The following AKR1C8 variants were observed in gnomAD, a reference collection of about 807,000 sequenced individuals.
AKR1C8 encodes the protein aldo-keto reductase family 1 member C8.
chr10:5,161,829 G>T, the AKR1C8 span: 1 of 534,626 alleles, frequency 1.9e-6, no homozygotes, highest in Non-Finnish European at 3.8e-6. Flanking sequence ...ACAGTCTTGG[G>T]CATAACAAGG....
chr10:5,156,818 T>C, the AKR1C8 span, among the ~76,000 whole-genome samples: 1 of 152,198 alleles, frequency 6.6e-6, no homozygotes, highest in South Asian at 2.1e-4. Flanking sequence ...AAATACATTA[T>C]ATATGACTCA....
At chr10:5,122,064 G>A in the AKR1C8 span, 1 of 195,550 alleles carries the variant, frequency 5.1e-6, no homozygotes, top group African/African-American at 1.8e-4. Context: ...AATGGTCTGT[G>A]AAAGAATCTG....
At chr10:5,137,580 G>A in the AKR1C8 span, among the ~76,000 whole-genome samples, 2 of 152,004 alleles carry the variant, frequency 1.3e-5, no homozygotes, top group South Asian at 2.1e-4. Flanking sequence ...CAATAAACTA[G>A]GTAATAAGAG....
At chr10:5,154,462 A>T in the AKR1C8 span, 1 of 272,562 alleles carries the variant, frequency 3.7e-6, no homozygotes, top group Non-Finnish European at 7.3e-6. Context: ...TCTTTTTTAC[A>T]ATTTGTTCTT....
the AKR1C8 span, among the ~76,000 whole-genome samples, chr10:5,175,124 C>G: frequency 7.2e-6 from 1 of 138,292 alleles, no homozygotes; most frequent in East Asian, 2.3e-4. Flanking sequence ...CCCCCTCCCC[C>G]CTCCCCCAAC....
At chr10:5,120,682 C>T in the AKR1C8 span, among the ~76,000 whole-genome samples, 1 of 152,078 alleles carries the variant, frequency 6.6e-6, no homozygotes. Context: ...AAGTCACTTC[C>T]CACATTTTTG....
the AKR1C8 span, chr10:5,132,624 T>C: frequency 1.9e-6 from 3 of 1,586,012 alleles, no homozygotes; most frequent in Non-Finnish European, 2.6e-6. Flanking sequence ...GAATATGTCT[T>C]CTCTCTTCAC....
the AKR1C8 span, among the ~76,000 whole-genome samples, chr10:5,163,889 C>T: frequency 2.0e-5 from 3 of 152,114 alleles, no homozygotes; most frequent in South Asian, 6.2e-4. Context: ...CTAAGACATA[C>T]CCATAACTAC....
At chr10:5,175,734 G>C in the AKR1C8 span, among the ~76,000 whole-genome samples, 22 of 152,158 alleles carry the variant, frequency 1.4e-4, no homozygotes, top group Non-Finnish European at 2.9e-4. Flanking sequence ...CAGTGATGGT[G>C]AGCATTTTTT....
the AKR1C8 span, among the ~76,000 whole-genome samples, chr10:5,148,198 G>T: frequency 1.3e-5 from 2 of 152,092 alleles, no homozygotes; most frequent in African/African-American, 4.8e-5. Context: ...CCAGGAGAAT[G>T]CTCAGTAGTA....
At chr10:5,116,471 A>T in the AKR1C8 span, among the ~76,000 whole-genome samples, 8 of 152,116 alleles carry the variant, frequency 5.3e-5, no homozygotes, top group Non-Finnish European at 8.8e-5. Flanking sequence ...TGGACCGTGA[A>T]TCCTGGCTAT....
chr10:5,135,517 A>G, the AKR1C8 span, among the ~76,000 whole-genome samples: 2 of 146,862 alleles, frequency 1.4e-5, no homozygotes, highest in Non-Finnish European at 2.9e-5. Flanking sequence ...GAATCTATCT[A>G]TCTATCTATC....
the AKR1C8 span, among the ~76,000 whole-genome samples, chr10:5,133,720 C>A: frequency 5.3e-5 from 8 of 152,178 alleles, 1 homozygote; most frequent in South Asian, 1.7e-3. Context: ...TAGACAGCAC[C>A]CTTATTAGTT....
the AKR1C8 span, among the ~76,000 whole-genome samples, chr10:5,176,492 T>C: frequency 6.6e-6 from 1 of 150,642 alleles, no homozygotes; most frequent in East Asian, 1.9e-4. Flanking sequence ...AACTTTAAAG[T>C]AGTTTTTTCC....
the AKR1C8 span, among the ~76,000 whole-genome samples, chr10:5,183,581 A>T: frequency 5.3e-5 from 8 of 152,264 alleles, no homozygotes; most frequent in Non-Finnish European, 1.0e-4. Context: ...CCCAGGAAGA[A>T]CTCTAACTAC....
chr10:5,144,070 T>A, the AKR1C8 span, among the ~76,000 whole-genome samples: 7 of 151,872 alleles, frequency 4.6e-5, no homozygotes, highest in Non-Finnish European at 1.0e-4. Flanking sequence ...GGAAAATTAT[T>A]CAGTTTCAGC....
At chr10:5,150,974 C>T in the AKR1C8 span, among the ~76,000 whole-genome samples, 1 of 152,114 alleles carries the variant, frequency 6.6e-6, no homozygotes, top group Non-Finnish European at 1.5e-5. Flanking sequence ...TCCCTGAAGA[C>T]TCAGGGGTTG....
At chr10:5,184,149 G>A in the AKR1C8 span, among the ~76,000 whole-genome samples, 11 of 152,130 alleles carry the variant, frequency 7.2e-5, no homozygotes, top group African/African-American at 2.7e-4. Context: ...AAGGTCCCAG[G>A]ACAAGCTGAG....
chr10:5,122,574 T>A, the AKR1C8 span, among the ~76,000 whole-genome samples: 93 of 152,278 alleles, frequency 6.1e-4, no homozygotes, highest in Middle Eastern at 3.4e-3. Context: ...GAGCAACCCT[T>A]AAAACACGGA....
Sources: allele counts gnomAD v4.1 joint callset (sites outside exome capture counted in the v4.1 genomes callset), GRCh38; gene constraint gnomAD v4.1.1; transcripts MANE v1.5; gene names NCBI Gene and HGNC (gene_info 2026-07-23, HGNC 2026-07-21).